Variants in CACNA1G observed in about 807,000 individuals in gnomAD.
CACNA1G encodes the protein voltage-dependent T-type calcium channel subunit alpha-1G.
In CACNA1G, 67 loss-of-function variants were observed where a neutral mutation model predicts 219.4. The observed-to-expected ratio is 0.31, with a 90% CI of 0.25 to 0.37. CACNA1G has a LOEUF of 0.37. Among genes scored for constraint, CACNA1G ranks in the 10% least tolerant of loss-of-function variants. The probability of loss-of-function intolerance (pLI) is 1.00; values close to 1 mark genes in which losing one functional copy is unlikely to be tolerated. For missense variants in CACNA1G, 2,380 were observed against 3,231.4 expected (o/e 0.74, Z 6.39); for synonymous variants, 1,296 against 1,345.3 (o/e 0.96, Z 0.80).
At chr17:50,579,592 GC>G (rs1379563217) in intron 9 of CACNA1G, among the ~76,000 whole-genome samples, 1 of 152,154 alleles carries the variant, frequency 6.6e-6, no homozygotes, top group Non-Finnish European at 1.5e-5. Flanking sequence ...AGGCTAGCAA[GC>G]AGGTGCTGCA....
intron 13 of CACNA1G, among the ~76,000 whole-genome samples, chr17:50,593,100 C>T (rs1304419658): frequency 6.6e-6 from 1 of 152,158 alleles, no homozygotes; most frequent in African/African-American, 2.4e-5. Flanking sequence ...GTGGGGCAGC[C>T]AGGGCAGCTG....
In CACNA1G at chr17:50,617,330, C is replaced by T; in HGVS notation, c.5022-108C>T. The T allele has an allele frequency of 1.6e-6, 2 of 1,243,500 alleles. No individual in the cohort carries two copies. The highest frequency in any genetic ancestry group is 2.2e-6 in the Non-Finnish European group (2 of 903,350). The allele number at this position is 1,243,500 out of a possible 1,614,324, so 77.0% of individuals were successfully genotyped here. ...TTCTCTGTGGGATGGGAGGCTGGACCCGCTGATGTCTGCCCTCCTTTCAAG... is the reference window on the plus strand; with the variant it reads ...TTCTCTGTGGGATGGGAGGCTGGACTCGCTGATGTCTGCCCTCCTTTCAAG... On this transcript the variant is annotated intron_variant, in intron 28 of 37. Transcript: ENST00000359106. The surrounding 1 kb of genome is among the most constrained non-coding windows in gnomAD (Gnocchi z 5.8).
In CACNA1G at chr17:50,599,503, A is replaced by G; in HGVS notation, c.3334A>G (p.Ser1112Gly). The change falls in exon 17 of 38, where the codon AGC becomes GGC. Residue 1112 changes from serine (S) to glycine (G), a missense_variant. Around this residue, in one of 17 missense-constraint regions of CACNA1G, gnomAD observed 418 missense variants for 434.3 expected, o/e 0.96. Coordinates refer to ENST00000359106, the MANE Select transcript of CACNA1G (RefSeq NM_018896.5). The part of the protein sequence containing the change: ...SWTSRRSSRN[S>G]LGRAPSLKRR... ...GACCAGCAGGCGCTCCAGCCGGAAC[A>G]GCCTCGGCCGTGCACCCAGCCTGAA... The G allele has an allele frequency of 6.2e-7, 1 of 1,604,942 alleles. No individual in the cohort carries two copies. The highest frequency in any genetic ancestry group is 8.5e-7 in the Non-Finnish European group (1 of 1,176,270).
chr17:50,580,267 G>C (rs945742063), intron 9 of CACNA1G, among the ~76,000 whole-genome samples: 13 of 152,290 alleles, frequency 8.5e-5, no homozygotes, highest in African/African-American at 2.9e-4. Flanking sequence ...TGGTGGCAGT[G>C]GGGGGTGGGC....
chr17:50,584,954 G>A (rs1038003702), intron 9 of CACNA1G, among the ~76,000 whole-genome samples: 1 of 152,118 alleles, frequency 6.6e-6, no homozygotes, highest in South Asian at 2.1e-4. Flanking sequence ...TCTCTCTAGC[G>A]ATACTCAGCA....
intron 26 of CACNA1G, 65 bp downstream of exon 26, chr17:50,610,000 C>G (rs911711003): frequency 6.7e-7 from 1 of 1,487,600 alleles, no homozygotes; most frequent in Non-Finnish European, 9.3e-7. Context: ...CCCCGTGGCT[C>G]ATTGATTCTA....
In CACNA1G at chr17:50,573,029, G is replaced by T; in HGVS notation, c.1056G>T (p.Thr352=). The T allele has an allele frequency of 6.3e-7, 1 of 1,577,562 alleles. No individual in the cohort carries two copies. Among genetic ancestry groups the T allele is most frequent in the East Asian group, 2.3e-5 (1 of 43,154 alleles). Residue 352 remains threonine, a synonymous_variant, in exon 7 of 38, where the codon ACG becomes ACT. Transcript: ENST00000359106. ...YAWIAIFQVI[T]LEGWVDIMYF... ...CCCTCTGCACCCCCTAGGTCATCACGCTGGAGGGCTGGGTCGACATCATGT... is the reference window on the plus strand; with the variant it reads ...CCCTCTGCACCCCCTAGGTCATCACTCTGGAGGGCTGGGTCGACATCATGT...
chr17:50,568,176 C>T (rs535905306), intron 1 of CACNA1G, among the ~76,000 whole-genome samples: 196 of 152,234 alleles, frequency 1.3e-3, no homozygotes, highest in African/African-American at 4.4e-3. Context: ...CTGCCTTACA[C>T]CTAGTGCCAG....
chr17:50,583,012 T>C (rs1416116663), intron 9 of CACNA1G, among the ~76,000 whole-genome samples: 3 of 151,782 alleles, frequency 2.0e-5, no homozygotes, highest in African/African-American at 4.8e-5. Context: ...CAGGAGGAGG[T>C]GGTCCAGATA....
At chr17:50,608,357 C>T (rs1390494010) in intron 25 of CACNA1G, among the ~76,000 whole-genome samples, 1 of 152,042 alleles carries the variant, frequency 6.6e-6, no homozygotes, top group Non-Finnish European at 1.5e-5. Flanking sequence ...TCCACTGCCC[C>T]ATGCCAGCAT....
rs947197777 is a variant in CACNA1G at position 50,600,177 on chromosome 17, T to C, written c.3690+318T>C. 1.1e-4 allele frequency among the ~76,000 whole-genome samples: 17 copies of C among 152,160 alleles called. No homozygotes were observed. Among genetic ancestry groups the C allele is most frequent in the African/African-American group, 3.9e-4 (16 of 41,436 alleles). On this transcript the variant is annotated intron_variant, in intron 17 of 37. Transcript: ENST00000359106. This position sits in a 1 kb window ranked among gnomAD's most constrained non-coding sequence, Gnocchi z 4.1. ...CCCATCACTCATCTCTCCAAACTGATGCCCCGCATCCCCCTTTCTCGTCTC... is the reference window on the plus strand; with the variant it reads ...CCCATCACTCATCTCTCCAAACTGACGCCCCGCATCCCCCTTTCTCGTCTC...
rs1452786219 is a variant in CACNA1G, at chr17:50,627,095, G to C, written c.*344G>C. The C allele has an allele frequency of 4.2e-6, 2 of 481,666 alleles. No individual in the cohort carries two copies. The allele number at this position is 481,666 out of a possible 1,614,324, so 29.8% of individuals were successfully genotyped here. ...GTATATGCGGGATGTACGACATTTT[G>C]TGACTGAAGAGACTTGTTTCCTTCT... On this transcript the variant is annotated 3_prime_UTR_variant, in exon 38 of 38. Transcript: ENST00000359106.
Position 50,626,973 on chromosome 17 carries a change from C to T in CACNA1G, c.*222C>T. On this transcript the variant is annotated 3_prime_UTR_variant, in exon 38 of 38. Transcript: ENST00000359106. The surrounding 1 kb of genome is among the most constrained non-coding windows in gnomAD (Gnocchi z 4.3). ...TCCAGGCAGAAGGAGAGGCCCGGTG[C>T]AGCTGAGGTTCCCGACACCAGAAGC... is the stretch of plus-strand genomic sequence containing the variant. The T allele has an allele frequency of 1.4e-6, 1 of 694,918 alleles. No individual in the cohort carries two copies. Among genetic ancestry groups the T allele is most frequent in the Non-Finnish European group, 2.6e-6 (1 of 382,374 alleles). The allele number at this position is 694,918 out of a possible 1,614,324, so 43.0% of individuals were successfully genotyped here. A position where few individuals can be genotyped will look rare whatever the true frequency, so the allele number is the denominator to read the frequency against.
chr17:50,568,906 C>G lies in CACNA1G; in HGVS notation c.279C>G (p.Leu93=), dbSNP rs1392936573. 1 of 1,613,602 alleles carries G rather than the reference C, an allele frequency of 6.2e-7. No individual in the cohort carries two copies. The highest frequency in any genetic ancestry group is 1.7e-5 in the Admixed American group (1 of 60,006). The change falls in exon 2 of 38, where the codon CTC becomes CTG. Residue 93 remains leucine (L), a synonymous_variant. Transcript: ENST00000359106. The part of the protein sequence containing the change: ...FERISMLVIL[L]NCVTLGMFRP... ...GCATCAGCATGTTGGTCATCCTTCT[C>G]AACTGCGTGACCCTGGGCATGTTCC...
chr17:50,591,927 C>G lies in CACNA1G; in HGVS notation c.2755-10C>G. ...TAGTATAGGCCCTGATTCCTGTCTTCTGCCCGCAGATCCTGACCCAGGAGG... is the reference window on the plus strand; with the variant it reads ...TAGTATAGGCCCTGATTCCTGTCTTGTGCCCGCAGATCCTGACCCAGGAGG... On this transcript the variant is annotated splice_polypyrimidine_tract_variant and intron_variant, in intron 12 of 37. Transcript: ENST00000359106. 1 of 1,613,942 alleles carries G rather than the reference C, an allele frequency of 6.2e-7. No homozygotes were observed. Among genetic ancestry groups the G allele is most frequent in the Non-Finnish European group, 8.5e-7 (1 of 1,179,830 alleles).
intron 16 of CACNA1G, among the ~76,000 whole-genome samples, chr17:50,597,776 C>T (rs919801132): frequency 1.3e-5 from 2 of 152,198 alleles, no homozygotes; most frequent in Non-Finnish European, 2.9e-5. Flanking sequence ...TTTGGCTAAG[C>T]CTTCCCCATT....
At position 50,575,748 on chromosome 17, in the gene CACNA1G, G is replaced by A. The variant is rs752907797; in HGVS notation, c.1346G>A (p.Arg449His). ...GTGTACATCCTTCGTAAGGCAGCCC[G>A]CAGGCTGGCTCAGGTCTCTCGGGCA... ...YLVYILRKAA[R>H]RLAQVSRAAG... is the part of the protein sequence containing the mutation. The change falls in exon 8 of 38, where the codon CGC becomes CAC. Residue 449 changes from arginine to histidine, a missense_variant. This residue lies in a region of CACNA1G where 434 missense variants were observed against 417.3 expected (regional missense o/e 1.04). Coordinates refer to ENST00000359106, the MANE Select transcript of CACNA1G (RefSeq NM_018896.5). 2.2e-5 allele frequency: 34 copies of A among 1,572,054 alleles called. No homozygotes were observed. The highest frequency in any genetic ancestry group is 2.8e-5 in the Non-Finnish European group (32 of 1,158,924).
rs58484176 is a variant in CACNA1G, at chr17:50,589,912, CTGTGTG to C, written c.2302-527_2302-522del. Among the ~76,000 whole-genome samples, 27 of 141,920 alleles carry C rather than the reference CTGTGTG, an allele frequency of 1.9e-4. 1 individual carries two copies. Among genetic ancestry groups the C allele is most frequent in the South Asian group, 1.6e-3 (7 of 4,502 alleles). 93.1% of individuals were successfully genotyped at this position (141,920 alleles called of 152,430 possible). ...TGCATTTTTCTCTCTCTCTCTCTCT[CTGTGTG>C]TGTGTGTGTGTGTGTGTGTGTGTGT... On this transcript the variant is annotated intron_variant, in intron 9 of 37. Coordinates refer to ENST00000359106, the MANE Select transcript of CACNA1G (RefSeq NM_018896.5).
chr17:50,607,790 G>A lies in CACNA1G; in HGVS notation c.4513-37G>A, dbSNP rs750367897. 8 of 1,594,792 alleles carry A rather than the reference G, an allele frequency of 5.0e-6. 1 individual carries two copies. In the East Asian group the frequency reaches 1.3e-4, roughly 27 times the overall value. ...AGCTCCTAAGACAGCTTGCCCTCGG[G>A]CTGATGCCTCCGCCTGTCCTTCCTG... On this transcript the variant is annotated intron_variant, in intron 24 of 37. Coordinates refer to ENST00000359106, the MANE Select transcript of CACNA1G (RefSeq NM_018896.5).
Sources: allele counts gnomAD v4.1 joint callset (sites outside exome capture counted in the v4.1 genomes callset), GRCh38; gene constraint gnomAD v4.1.1; regional missense constraint gnomAD v4.1.1; non-coding constraint Gnocchi (gnomAD v3.1); transcripts MANE v1.5; gene names NCBI Gene and HGNC (gene_info 2026-07-23, HGNC 2026-07-21).